Variants in SLC10A7 observed in about 807,000 individuals in gnomAD.
SLC10A7 encodes solute carrier family 10 member 7, also known as sodium/bile acid cotransporter 7.
SLC10A7 carries 29 observed loss-of-function variants against 43.2 expected under a neutral mutation model. The observed-to-expected ratio is 0.67, with a 90% CI of 0.50 to 0.92. SLC10A7 has a LOEUF of 0.92. Among genes scored for constraint, SLC10A7 ranks in the 40% least tolerant of loss-of-function variants. The pLI is 0.00. For missense variants in SLC10A7, 295 were observed against 403.2 expected (o/e 0.73, Z 2.30); for synonymous variants, 152 against 144.8 (o/e 1.05, Z -0.35).
intron 6 of SLC10A7, among the ~76,000 whole-genome samples, chr4:146,324,655 G>T (rs1195610019): frequency 6.6e-6 from 1 of 152,114 alleles, no homozygotes; most frequent in Non-Finnish European, 1.5e-5. Flanking sequence ...CCCACCAAGG[G>T]TTGCATCTGG....
At chr4:146,343,466 A>C (rs901628758) in intron 5 of SLC10A7, among the ~76,000 whole-genome samples, 2 of 152,096 alleles carry the variant, frequency 1.3e-5, no homozygotes, top group South Asian at 2.1e-4. Context: ...TCTCAAAGAT[A>C]ACCTACAAAT....
intron 5 of SLC10A7, among the ~76,000 whole-genome samples, chr4:146,436,400 C>A (rs183182439): frequency 5.5e-4 from 84 of 152,130 alleles, no homozygotes; most frequent in African/African-American, 1.9e-3. Flanking sequence ...TTTAACTCTG[C>A]AAATATGTTT....
chr4:146,340,232 T>A (rs1468082802), intron 5 of SLC10A7, among the ~76,000 whole-genome samples: 1 of 151,846 alleles, frequency 6.6e-6, no homozygotes, highest in Non-Finnish European at 1.5e-5. Flanking sequence ...CAAAGCCTGA[T>A]GGAACTCTCA....
intron 4 of SLC10A7, among the ~76,000 whole-genome samples, chr4:146,450,424 G>A (rs893892793): frequency 1.3e-5 from 2 of 152,176 alleles, no homozygotes; most frequent in East Asian, 1.9e-4. Flanking sequence ...TGGTGTTCCT[G>A]GAGAGTCCTA....
intron 6 of SLC10A7, among the ~76,000 whole-genome samples, chr4:146,325,224 A>G (rs1199851272): frequency 6.6e-6 from 1 of 152,214 alleles, no homozygotes; most frequent in African/African-American, 2.4e-5. Flanking sequence ...AGATGTGTGT[A>G]TGAAAAGATG....
chr4:146,372,038 C>G (rs994089002), intron 5 of SLC10A7, among the ~76,000 whole-genome samples: 3 of 152,120 alleles, frequency 2.0e-5, no homozygotes, highest in Non-Finnish European at 4.4e-5. Flanking sequence ...CTGTCTCTTC[C>G]TATTACTAAA....
At chr4:146,305,056 C>T (rs1731453604) in intron 7 of SLC10A7, among the ~76,000 whole-genome samples, 1 of 151,368 alleles carries the variant, frequency 6.6e-6, no homozygotes, top group African/African-American at 2.4e-5. Context: ...ACCATTTGAC[C>T]CAGCCATCCC....
At chr4:146,350,005 A>T (rs1483129229) in intron 5 of SLC10A7, among the ~76,000 whole-genome samples, 1 of 152,096 alleles carries the variant, frequency 6.6e-6, no homozygotes, top group Non-Finnish European at 1.5e-5. Context: ...AAATTAAAAA[A>T]AAATATATAT....
chr4:146,382,194 T>A (rs1737676060), intron 5 of SLC10A7, among the ~76,000 whole-genome samples: 1 of 152,206 alleles, frequency 6.6e-6, no homozygotes, highest in Admixed American at 6.6e-5. Flanking sequence ...ATAGCGATGT[T>A]ACAAAATAAC....
chr4:146,266,519 T>C (rs1252622356), intron 10 of SLC10A7, among the ~76,000 whole-genome samples: 1 of 152,148 alleles, frequency 6.6e-6, no homozygotes, highest in Non-Finnish European at 1.5e-5. Flanking sequence ...TCACAGCCAC[T>C]GATTTATCTC....
At chr4:146,447,709 A>C (rs1416009327) in intron 4 of SLC10A7, among the ~76,000 whole-genome samples, 1 of 151,772 alleles carries the variant, frequency 6.6e-6, no homozygotes, top group African/African-American at 2.4e-5. Flanking sequence ...TTTAATATTG[A>C]CTAGATTGAC....
At chr4:146,506,042 C>T (rs915342651) in intron 3 of SLC10A7, among the ~76,000 whole-genome samples, 3 of 152,186 alleles carry the variant, frequency 2.0e-5, no homozygotes, top group Non-Finnish European at 4.4e-5. Context: ...TCTGTCTCCC[C>T]TACCCCCAAT....
chr4:146,478,125 A>T (rs765056350), intron 4 of SLC10A7: 2 of 152,192 alleles, frequency 1.3e-5, no homozygotes, highest in Admixed American at 1.3e-4. Context: ...AATGACACAT[A>T]CTATGTGCCC....
chr4:146,382,650 A>T (rs150330591), intron 5 of SLC10A7, among the ~76,000 whole-genome samples: 3 of 152,170 alleles, frequency 2.0e-5, no homozygotes, highest in African/African-American at 7.2e-5. Flanking sequence ...CTCATGATGG[A>T]CTGAGCAGTT....
intron 4 of SLC10A7, among the ~76,000 whole-genome samples, chr4:146,485,174 CAG>C (rs1453532990): frequency 6.6e-6 from 1 of 152,194 alleles, no homozygotes; most frequent in African/African-American, 2.4e-5. Context: ...ATTATTTGTA[CAG>C]AGTCACACAG....
chr4:146,513,862 T>G (rs1737705282), intron 2 of SLC10A7: 1 of 152,228 alleles, frequency 6.6e-6, no homozygotes, highest in Non-Finnish European at 1.5e-5. Flanking sequence ...TTGAGCCACA[T>G]AGTCAAATAA....
At chr4:146,439,264 C>T (rs1381036298) in intron 5 of SLC10A7, among the ~76,000 whole-genome samples, 1 of 151,992 alleles carries the variant, frequency 6.6e-6, no homozygotes, top group Non-Finnish European at 1.5e-5. Context: ...TTCCTAAAAA[C>T]ACTGTTTAAA....
At chr4:146,434,458 A>G (rs1730044749) in intron 5 of SLC10A7, among the ~76,000 whole-genome samples, 1 of 152,248 alleles carries the variant, frequency 6.6e-6, no homozygotes, top group Non-Finnish European at 1.5e-5. Flanking sequence ...GTAGATACAA[A>G]CCTTATGATA....
chr4:146,353,426 A>G (rs1471595284), intron 5 of SLC10A7, among the ~76,000 whole-genome samples: 6 of 143,092 alleles, frequency 4.2e-5, no homozygotes, highest in East Asian at 2.0e-4. Context: ...TTCCAGGACC[A>G]GATGGATTCA....
Sources: allele counts gnomAD v4.1 joint callset (sites outside exome capture counted in the v4.1 genomes callset), GRCh38; gene constraint gnomAD v4.1.1; transcripts MANE v1.5; gene names NCBI Gene and HGNC (gene_info 2026-07-23, HGNC 2026-07-21).